FN1: variants seen among roughly 807,000 people sequenced by gnomAD.
The protein encoded by FN1 is fibronectin.
Under a neutral mutation model 297.3 loss-of-function variants are expected in FN1, and 106 were observed. The ratio of observed to expected loss-of-function variants is 0.36; its 90% CI spans 0.30 to 0.42. The LOEUF (loss-of-function observed/expected upper bound fraction) is 0.42, where lower values mean the gene tolerates loss of function less well. Ranked by LOEUF, FN1 falls within the 10% of genes least tolerant of loss-of-function variation. FN1 has a pLI of 1.00. For missense variants in FN1, 2,690 were observed against 3,124.9 expected (o/e 0.86, Z 3.32); for synonymous variants, 1,149 against 1,152.6 (o/e 1.00, Z 0.06).
intron 15 of FN1, 53 bp downstream of exon 15, chr2:215,409,510 A>G (rs1021152338): frequency 3.4e-5 from 54 of 1,571,358 alleles, no homozygotes; most frequent in Non-Finnish European, 4.7e-5. Flanking sequence ...CCCCACAAGG[A>G]GAGTTTTCCA....
At chr2:215,408,620 T>G (rs969191674) in intron 15 of FN1, among the ~76,000 whole-genome samples, 194 bp from the exon 16 acceptor site, 10 of 152,190 alleles carry the variant, frequency 6.6e-5, no homozygotes, top group African/African-American at 2.4e-4. Context: ...CAGGCTGGAG[T>G]GCAGTGGCAC....
At chr2:215,428,873 G>T (rs949247801) in intron 5 of FN1, among the ~76,000 whole-genome samples, 1 of 152,110 alleles carries the variant, frequency 6.6e-6, no homozygotes, top group African/African-American at 2.4e-5. Flanking sequence ...AAATTAGCCG[G>T]CTGTGGTGGC....
intron 17 of FN1, among the ~76,000 whole-genome samples, chr2:215,407,827 A>G (rs1251404311): frequency 6.6e-6 from 1 of 152,100 alleles, no homozygotes; most frequent in Non-Finnish European, 1.5e-5. Flanking sequence ...CCCTGGGAAC[A>G]CTTGCTTTAA....
Position 215,436,036 on chromosome 2 carries a change from C to G in FN1, c.-234G>C. On this transcript the variant is annotated 5_prime_UTR_variant, in exon 1 of 46. Coordinates refer to ENST00000354785, the MANE Select transcript of FN1 (RefSeq NM_212482.4). ...TTCCCGCTCGCGCCTGGGGTTCCCT[C>G]TCCTCCCCCTGTGCAGCACAGCCGG... 1.2e-6 allele frequency: 1 copy of G among 861,890 alleles called. No homozygotes were observed. The highest frequency in any genetic ancestry group is 1.7e-6 in the Non-Finnish European group (1 of 588,638). 53.4% of individuals were successfully genotyped at this position (861,890 alleles called of 1,614,324 possible). A position where few individuals can be genotyped will look rare whatever the true frequency, so the allele number is the denominator to read the frequency against.
Position 215,430,807 on chromosome 2 carries a change from C to G in FN1, c.593G>C (p.Gly198Ala), listed in dbSNP as rs199565885. ...DHAAGTSYVVGETWEKPYQGW... is the reference protein window; with the variant it reads ...DHAAGTSYVVAETWEKPYQGW... ...TTGGTAGGGCTTCTCCCACGTTTCT[C>G]CGACCACATAGGAAGTCCCAGCAGC... The change falls in exon 5 of 46, where the codon GGA (glycine) becomes GCA (alanine). Residue 198 changes from glycine (G) to alanine (A), a missense_variant. Around this residue, in one of 3 missense-constraint regions of FN1, gnomAD observed 876 missense variants for 1,058.1 expected, o/e 0.83. Coordinates refer to ENST00000354785, the MANE Select transcript of FN1 (RefSeq NM_212482.4). 2.1e-5 allele frequency: 34 copies of G among 1,614,002 alleles called. No homozygotes were observed. The highest frequency in any genetic ancestry group is 2.8e-5 in the Non-Finnish European group (33 of 1,179,978).
At position 215,409,998 on chromosome 2, in the gene FN1, C is replaced by T. The variant is rs2106302623; in HGVS notation, c.2058G>A (p.Gln686=). ...VYEGQLISIQ[Q]YGHQEVTRFD... is the part of the protein sequence containing the mutation. ...AGCGAGTCACTTCTTGGTGGCCGTACTGCTGGATGCTGATGAGCTGGCCCT... is the reference window on the plus strand; with the variant it reads ...AGCGAGTCACTTCTTGGTGGCCGTATTGCTGGATGCTGATGAGCTGGCCCT... The change falls in exon 14 of 46, where the codon CAG becomes CAA. Residue 686 remains glutamine, a synonymous_variant. Transcript: ENST00000354785. The T allele has an allele frequency of 6.2e-7, 1 of 1,614,006 alleles. No individual in the cohort carries two copies. Among genetic ancestry groups the T allele is most frequent in the Middle Eastern group, 1.7e-4 (1 of 6,026 alleles).
chr2:215,394,389 G>T, intron 24 of FN1, 139 bp downstream of exon 24: 1 of 786,580 alleles, frequency 1.3e-6, no homozygotes. Context: ...TTGACTTCTT[G>T]GTTTTGGAAA....
chr2:215,365,724 G>T, intron 42 of FN1, 94 bp from the exon 43 acceptor site: 2 of 1,181,246 alleles, frequency 1.7e-6, no homozygotes, highest in Non-Finnish European at 2.5e-6. Flanking sequence ...AGGGTCTTCA[G>T]AACCATGATC....
At chr2:215,365,420 A>G (rs781262889) in intron 43 of FN1, 85 bp downstream of exon 43, 70 of 1,446,294 alleles carry the variant, frequency 4.8e-5, no homozygotes, top group Middle Eastern at 1.7e-4. Flanking sequence ...AAAGTCTCCA[A>G]TCATTTCTGT....
intron 42 of FN1, 24 bp from the exon 43 acceptor site, chr2:215,365,654 A>T: frequency 6.2e-7 from 1 of 1,613,486 alleles, no homozygotes; most frequent in South Asian, 1.1e-5. Context: ...GAAAGTCAGG[A>T]CCAAAAAGTT....
At position 215,379,219 on chromosome 2, in the gene FN1, C is replaced by T. The variant is rs890717871; in HGVS notation, c.5533G>A (p.Val1845Met). Residue 1845 changes from valine (V) to methionine (M), a missense_variant, in exon 34 of 46, where the codon GTG becomes ATG. By Grantham distance (21) the Val-to-Met change is conservative. This residue lies in a region of FN1 where 1,743 missense variants were observed against 1,945.2 expected (regional missense o/e 0.90). Coordinates refer to ENST00000354785, the MANE Select transcript of FN1 (RefSeq NM_212482.4). ...PPNVQLTGYR[V>M]RVTPKEKTGP... ...GTCTTCTCCTTGGGGGTCACCCGCA[C>T]TCGATATCCAGTGAGCTGAACATTG... is the stretch of plus-strand genomic sequence containing the variant. 6.2e-7 allele frequency: 1 copy of T among 1,613,934 alleles called. No homozygotes were observed. The highest frequency in any genetic ancestry group is 1.3e-5 in the African/African-American group (1 of 74,886).
At chr2:215,406,554 G>C (rs745385935) in intron 18 of FN1, 44 bp from the exon 19 acceptor site, 12 of 1,601,496 alleles carry the variant, frequency 7.5e-6, no homozygotes, top group Middle Eastern at 1.7e-4. Context: ...CTCTGCTGAA[G>C]ATTACTTTTA....
intron 42 of FN1, 86 bp from the exon 43 acceptor site, chr2:215,365,716 G>T: frequency 7.7e-7 from 1 of 1,299,834 alleles, no homozygotes; most frequent in Non-Finnish European, 1.1e-6. Context: ...CGTGTCACAG[G>T]GTCTTCAGAA....
intron 13 of FN1, among the ~76,000 whole-genome samples, chr2:215,410,719 C>T (rs1372560982): frequency 6.6e-6 from 1 of 152,072 alleles, no homozygotes; most frequent in Non-Finnish European, 1.5e-5. Context: ...GTTGGTCAGG[C>T]TGGTCTCGAA....
chr2:215,428,125 A>G, intron 6 of FN1, 55 bp downstream of exon 6: 1 of 1,603,444 alleles, frequency 6.2e-7, no homozygotes, highest in Non-Finnish European at 8.5e-7. Flanking sequence ...GGATTTGCGG[A>G]AATATTTCTT....
chr2:215,385,594 A>G (rs1236907331), intron 28 of FN1, among the ~76,000 whole-genome samples: 2 of 151,528 alleles, frequency 1.3e-5, no homozygotes, highest in African/African-American at 4.8e-5. Flanking sequence ...AAGTAATACA[A>G]TGAACACCTA....
intron 20 of FN1, among the ~76,000 whole-genome samples, chr2:215,400,751 C>CAAAA (rs1175226865): frequency 1.1e-3 from 60 of 56,104 alleles, no homozygotes; most frequent in African/African-American, 1.4e-3. Context: ...GGCTCCATCT[C>CAAAA]AAAAAAAAAA....
Position 215,435,836 on chromosome 2 carries a change from G to C in FN1, c.-34C>G, listed in dbSNP as rs768643920. 1.3e-6 allele frequency: 2 copies of C among 1,516,252 alleles called. No homozygotes were observed. The highest frequency in any genetic ancestry group is 1.2e-5 in the South Asian group (1 of 82,626). The allele number at this position is 1,516,252 out of a possible 1,614,324, so 93.9% of individuals were successfully genotyped here. A position where few individuals can be genotyped will look rare whatever the true frequency, so the allele number is the denominator to read the frequency against. On this transcript the variant is annotated 5_prime_UTR_variant, in exon 1 of 46. Coordinates refer to ENST00000354785, the MANE Select transcript of FN1 (RefSeq NM_212482.4). ...GGTGGGGGAGAGACGCCCGCACCGG[G>C]AGGCAAGTTGCCACCAAGTTTGCTT...
chr2:215,435,798 A>G lies in FN1; in HGVS notation c.5T>C (p.Leu2Pro). 6.4e-7 allele frequency: 1 copy of G among 1,556,176 alleles called. No homozygotes were observed. The highest frequency in any genetic ancestry group is 8.7e-7 in the Non-Finnish European group (1 of 1,154,124). Residue 2 changes from leucine to proline, a missense_variant, in exon 1 of 46, where the codon CTT (leucine) becomes CCT (proline). By Grantham distance (98) the Leu-to-Pro change is moderately conservative (BLOSUM62 -3). Around this residue, in one of 3 missense-constraint regions of FN1, gnomAD observed 876 missense variants for 1,058.1 expected, o/e 0.83. Coordinates refer to ENST00000354785, the MANE Select transcript of FN1 (RefSeq NM_212482.4). ...CAGCAGCCCGGGCCCCGGACCCCTA[A>G]GCATGTTGAGACGGTGGGGGAGAGA... M[L>P]RGPGPGLLLL...
Sources: gnomAD v4.1 joint callset for allele counts (sites outside exome capture counted in the v4.1 genomes callset) on GRCh38, gnomAD v4.1.1 for gene constraint, gnomAD v4.1.1 regional missense constraint, MANE v1.5 for transcripts, NCBI Gene and HGNC (gene_info 2026-07-23, HGNC 2026-07-21) for gene names.